CRTC3: variants seen among roughly 807,000 people sequenced by gnomAD.
The protein encoded by CRTC3 is CREB-regulated transcription coactivator 3.
CRTC3 carries 26 observed loss-of-function variants against 74.5 expected under a neutral mutation model. The ratio of observed to expected loss-of-function variants is 0.35; its 90% CI spans 0.26 to 0.48. The LOEUF is 0.48. CRTC3 is among the 20% of genes least tolerant of loss of function. The pLI is 0.99. For synonymous variants in CRTC3, 377 were observed against 325.8 expected (o/e 1.16, Z -1.69); for missense variants, 760 against 787.3 (o/e 0.97, Z 0.41).
At chr15:90,550,335 G>A (rs934008727) in intron 2 of CRTC3, among the ~76,000 whole-genome samples, 26 of 151,740 alleles carry the variant, frequency 1.7e-4, no homozygotes, top group African/African-American at 6.0e-4. Context: ...GCTTGAACCC[G>A]GGAGGTGGAA....
At chr15:90,570,806 T>G (rs1385584713) in intron 2 of CRTC3, among the ~76,000 whole-genome samples, 2 of 152,228 alleles carry the variant, frequency 1.3e-5, no homozygotes, top group African/African-American at 4.8e-5. Context: ...GTCTGTGGTC[T>G]GTTACACACA....
chr15:90,627,831 G>T (rs1968893089), intron 10 of CRTC3, among the ~76,000 whole-genome samples: 1 of 122,364 alleles, frequency 8.2e-6, no homozygotes, highest in Non-Finnish European at 1.8e-5. Flanking sequence ...AGCCAGGATG[G>T]TCTTGATCTC....
intron 2 of CRTC3, among the ~76,000 whole-genome samples, chr15:90,578,991 G>A (rs890288735): frequency 6.6e-6 from 1 of 151,386 alleles, no homozygotes; most frequent in African/African-American, 2.4e-5. Flanking sequence ...CTGTACAGTT[G>A]GTCCTCCATT....
chr15:90,557,406 C>T (rs960596397), intron 2 of CRTC3, among the ~76,000 whole-genome samples: 12 of 152,210 alleles, frequency 7.9e-5, no homozygotes, highest in African/African-American at 2.4e-4. Context: ...GTCCCCAGAA[C>T]GTTTCTTGCT....
chr15:90,641,791 G>C lies in CRTC3; in HGVS notation c.1652-141G>C, dbSNP rs150238799. On this transcript the variant is annotated intron_variant, in intron 14 of 14. Transcript: ENST00000268184. ...CTGACTGACAAGAATGTAGATTCCA[G>C]GGCAAGAACTGTGGGCCTGGGGGTG... 21 of 677,444 alleles carry C rather than the reference G, an allele frequency of 3.1e-5. No homozygotes were observed. The Admixed American group carries it at 3.8e-4, about 12-fold the overall frequency. The allele number at this position is 677,444 out of a possible 1,614,324, so 42.0% of individuals were successfully genotyped here.
chr15:90,560,300 C>G (rs1274482311), intron 2 of CRTC3, among the ~76,000 whole-genome samples: 11 of 152,326 alleles, frequency 7.2e-5, no homozygotes, highest in Non-Finnish European at 1.2e-4. Context: ...GATGATGGCT[C>G]TCATCCTTGG....
chr15:90,537,809 G>C lies in CRTC3; in HGVS notation c.133-2230G>C, dbSNP rs556962049. 2.6e-5 allele frequency among the ~76,000 whole-genome samples: 4 copies of C among 152,288 alleles called. No homozygotes were observed. In the South Asian group the frequency reaches 8.3e-4, roughly 32 times the overall value. ...TCTGCTTCATCCTCCCAAGTAGCTA[G>C]GATTGCAGGCATGCACCACCACAGC... is the stretch of plus-strand genomic sequence containing the variant. On this transcript the variant is annotated intron_variant, in intron 1 of 14. Coordinates refer to ENST00000268184, the MANE Select transcript of CRTC3 (RefSeq NM_022769.5).
In CRTC3 at chr15:90,641,106, G is replaced by A; in HGVS notation, c.1558G>A (p.Val520Met). Residue 520 changes from valine to methionine, a missense_variant, in exon 14 of 15, where the codon GTG becomes ATG. Transcript: ENST00000268184. Reference sequence around the variant, plus strand: ...CCTTCGATGCTTCCAGGTGCCTCTGGTGCAACAAGGTTCCCGAGAACTGCA... The same window carrying A: ...CCTTCGATGCTTCCAGGTGCCTCTGATGCAACAAGGTTCCCGAGAACTGCA... ...GPAFPQQVPLVQQGSRELQDS... is the reference protein window; with the variant it reads ...GPAFPQQVPLMQQGSRELQDS... 6.2e-7 allele frequency: 1 copy of A among 1,613,190 alleles called. No individual in the cohort carries two copies. Among genetic ancestry groups the A allele is most frequent in the Non-Finnish European group, 8.5e-7 (1 of 1,179,292 alleles).
intron 6 of CRTC3, chr15:90,613,788 C>T (rs767732199): frequency 1.4e-4 from 22 of 152,096 alleles, no homozygotes; most frequent in East Asian, 3.8e-4. Flanking sequence ...ATTCTTGGCA[C>T]GGTTCTTTAG....
At chr15:90,565,261 T>C (rs1014780426) in intron 2 of CRTC3, among the ~76,000 whole-genome samples, 3 of 152,166 alleles carry the variant, frequency 2.0e-5, no homozygotes, top group Non-Finnish European at 4.4e-5. Context: ...GTAAGCTTTC[T>C]AAGTCTCGGT....
rs11426969 is a variant in CRTC3, at chr15:90,541,782, C to CTTTTTTTTTTTTTTTTTTTTT, written c.231+1652_231+1653insTTTTTTTTTTTTTTTTTTTTT. Among the ~76,000 whole-genome samples the CTTTTTTTTTTTTTTTTTTTTT allele has an allele frequency of 1.5e-4, 18 of 120,100 alleles. 9 individuals carry two copies. Among genetic ancestry groups the CTTTTTTTTTTTTTTTTTTTTT allele is most frequent in the Non-Finnish European group, 6.7e-5 (4 of 59,358 alleles). The allele number at this position is 120,100 out of a possible 152,430, so 78.8% of individuals were successfully genotyped here. On this transcript the variant is annotated intron_variant, in intron 2 of 14. Transcript: ENST00000268184. ...GATAATCCTTGGCCTTCCCAGGATT[C>CTTTTTTTTTTTTTTTTTTTTT]TTTTTTTCTTTTTTTTTTTTTGAGA...
intron 14 of CRTC3, 178 bp downstream of exon 14, chr15:90,641,377 G>A (rs941058017): frequency 8.6e-6 from 5 of 584,240 alleles, no homozygotes; most frequent in Non-Finnish European, 1.5e-5. Context: ...ACAGGGCGGT[G>A]GGCCTGGTAG....
At chr15:90,543,152 C>G (rs1407086106) in intron 2 of CRTC3, among the ~76,000 whole-genome samples, 1 of 116,134 alleles carries the variant, frequency 8.6e-6, no homozygotes. Context: ...AAAAAAAAGG[C>G]CAGATGTGGT....
intron 1 of CRTC3, among the ~76,000 whole-genome samples, chr15:90,536,258 A>G (rs1035302760): frequency 6.6e-6 from 1 of 152,112 alleles, no homozygotes; most frequent in South Asian, 2.1e-4. Context: ...TGCTCTGGCC[A>G]GGTGCCATGG....
chr15:90,579,231 A>AC (rs1433123667), intron 2 of CRTC3, among the ~76,000 whole-genome samples: 1 of 152,192 alleles, frequency 6.6e-6, no homozygotes, highest in African/African-American at 2.4e-5. Context: ...ACATACAAGT[A>AC]CTGTGCCCTT....
chr15:90,572,916 A>G (rs1353571413), intron 2 of CRTC3, among the ~76,000 whole-genome samples: 1 of 152,228 alleles, frequency 6.6e-6, no homozygotes, highest in Admixed American at 6.5e-5. Flanking sequence ...TAAAAAACAC[A>G]TAACTTAAAA....
chr15:90,638,834 C>A lies in CRTC3; in HGVS notation c.1548+19C>A, dbSNP rs532537307. On this transcript the variant is annotated intron_variant, in intron 13 of 14. Transcript: ENST00000268184. ...TCAACAGGTGGGTGATCGCCCCTGC[C>A]TTCTCCTCCCTTGGTGCATAAACTG... is the stretch of plus-strand genomic sequence containing the variant. The A allele has an allele frequency of 3.1e-6, 5 of 1,594,504 alleles. No individual in the cohort carries two copies. Among genetic ancestry groups the A allele is most frequent in the Admixed American group, 3.3e-5 (2 of 59,998 alleles).
chr15:90,538,259 A>G (rs937082608), intron 1 of CRTC3, among the ~76,000 whole-genome samples: 3 of 152,234 alleles, frequency 2.0e-5, no homozygotes, highest in Admixed American at 6.5e-5. Context: ...GATGCTTCTG[A>G]TAAGTACTTT....
At chr15:90,599,019 T>C (rs1968002780) in intron 3 of CRTC3, 1 of 156,402 alleles carries the variant, frequency 6.4e-6, no homozygotes, top group Non-Finnish European at 1.4e-5. Context: ...CAGGCAGGTG[T>C]GGCCTGAGGC....
Sources: gnomAD v4.1 joint callset for allele counts (sites outside exome capture counted in the v4.1 genomes callset) on GRCh38, gnomAD v4.1.1 for gene constraint, MANE v1.5 for transcripts, NCBI Gene and HGNC (gene_info 2026-07-23, HGNC 2026-07-21) for gene names.